CLIC5: variants seen among roughly 807,000 people sequenced by gnomAD.
The protein encoded by CLIC5 is CLIC family member 5.
A neutral mutation model predicts 24.7 loss-of-function variants in CLIC5; 20 were observed. That is an observed-to-expected ratio of 0.81 (90% confidence interval 0.57 to 1.18). The LOEUF (loss-of-function observed/expected upper bound fraction) is 1.18. Among genes scored for constraint, CLIC5 ranks in the 50% most tolerant of loss-of-function variants. The pLI is 0.00. For synonymous variants in CLIC5, 159 were observed against 135.6 expected (o/e 1.17, Z -1.20); for missense variants, 341 against 326.1 (o/e 1.05, Z -0.35).
chr6:45,970,249 C>G (rs1014799716), intron 1 of CLIC5, among the ~76,000 whole-genome samples: 11 of 152,140 alleles, frequency 7.2e-5, no homozygotes, highest in African/African-American at 2.7e-4. Context: ...TGTGGTTAGT[C>G]CTGGATGATT....
At chr6:46,032,479 C>CT (rs1767530803) in intron 1 of CLIC5, among the ~76,000 whole-genome samples, 1 of 152,200 alleles carries the variant, frequency 6.6e-6, no homozygotes, top group South Asian at 2.1e-4. Flanking sequence ...ATCTGACTTT[C>CT]TCCTTTTTTC....
intron 6 of CLIC5, among the ~76,000 whole-genome samples, chr6:45,889,375 TCCTAATACC>T (rs761088949): frequency 6.6e-6 from 1 of 152,108 alleles, no homozygotes; most frequent in Non-Finnish European, 1.5e-5. Flanking sequence ...AGGCACCACC[TCCTAATACC>T]ACCACACTGG....
At chr6:46,075,500 GC>G (rs771831027) in intron 1 of CLIC5, among the ~76,000 whole-genome samples, 17 of 152,130 alleles carry the variant, frequency 1.1e-4, no homozygotes, top group Non-Finnish European at 2.4e-4. Flanking sequence ...CGGGAGAATG[GC>G]TTGAGCCCAG....
At chr6:45,984,772 A>C (rs1308677445) in intron 1 of CLIC5, among the ~76,000 whole-genome samples, 1 of 152,120 alleles carries the variant, frequency 6.6e-6, no homozygotes, top group Non-Finnish European at 1.5e-5. Flanking sequence ...ATTCAAAATC[A>C]CTAATGAAGA....
At chr6:45,948,969 G>A (rs1764376804) in intron 3 of CLIC5, among the ~76,000 whole-genome samples, 1 of 152,062 alleles carries the variant, frequency 6.6e-6, no homozygotes, top group Admixed American at 6.6e-5. Context: ...GAACATACTG[G>A]GGCGAGGGAG....
intron 1 of CLIC5, among the ~76,000 whole-genome samples, chr6:46,022,121 TAAAAC>T (rs1767201298): frequency 6.6e-6 from 1 of 152,160 alleles, no homozygotes; most frequent in Non-Finnish European, 1.5e-5. Flanking sequence ...ATCAACAAAA[TAAAAC>T]AAACTTTCAT....
chr6:45,929,250 T>C (rs1763632508), intron 4 of CLIC5, among the ~76,000 whole-genome samples: 1 of 152,076 alleles, frequency 6.6e-6, no homozygotes, highest in Admixed American at 6.5e-5. Flanking sequence ...TCCACCTCAA[T>C]AATGAACCAA....
intron 1 of CLIC5, among the ~76,000 whole-genome samples, chr6:45,961,512 G>C (rs188981276): frequency 6.6e-6 from 1 of 152,202 alleles, no homozygotes; most frequent in Non-Finnish European, 1.5e-5. Context: ...AGTGGCAAAG[G>C]CCACATGAAA....
rs947398809 is a variant in CLIC5, at chr6:45,901,345, A to G, written c.*1743T>C. On this transcript the variant is annotated 3_prime_UTR_variant, in exon 6 of 6. Transcript: ENST00000339561. ...CTACTGAGAAAGTTCCTCTTCCTCAATGGGCTCTAGGAGACCTCCTGCTTC... is the reference window on the plus strand; with the variant it reads ...CTACTGAGAAAGTTCCTCTTCCTCAGTGGGCTCTAGGAGACCTCCTGCTTC... 1.3e-5 allele frequency: 2 copies of G among 152,012 alleles called. No individual in the cohort carries two copies. Among genetic ancestry groups the G allele is most frequent in the African/African-American group, 4.8e-5 (2 of 41,378 alleles). The allele number at this position is 152,012 out of a possible 1,614,324, so 9.4% of individuals were successfully genotyped here. A position where few individuals can be genotyped will look rare whatever the true frequency, so the allele number is the denominator to read the frequency against.
intron 1 of CLIC5, among the ~76,000 whole-genome samples, chr6:46,026,624 G>T (rs1432503953): frequency 6.6e-6 from 1 of 152,142 alleles, no homozygotes; most frequent in Non-Finnish European, 1.5e-5. Context: ...AAGGCAGAAA[G>T]TTCTTCAAAT....
At chr6:45,895,258 C>T (rs1209202771), downstream of CLIC5, among the ~76,000 whole-genome samples, 1 of 152,166 alleles carries the variant, frequency 6.6e-6, no homozygotes, top group Non-Finnish European at 1.5e-5. Context: ...ATCACCCTCC[C>T]CTCAAAGCTT....
Position 45,920,593 on chromosome 6 carries a change from C to T in CLIC5, c.407-6184G>A, listed in dbSNP as rs142067699. 303 of 672,142 alleles carry T rather than the reference C, an allele frequency of 4.5e-4. 1 individual carries two copies. The highest frequency in any genetic ancestry group is 1.6e-3 in the Admixed American group (26 of 15,890). 41.6% of individuals were successfully genotyped at this position (672,142 alleles called of 1,614,324 possible). The stretch of plus-strand genomic sequence containing the variant: ...CTTGTTGACATTTGATAGTTTAAAA[C>T]GTGAATGGTAACGTGATGGAAACAA... On this transcript the variant is annotated intron_variant, in intron 4 of 5. Transcript: ENST00000339561.
At chr6:46,021,771 A>G (rs527669444) in intron 1 of CLIC5, among the ~76,000 whole-genome samples, 16 of 152,368 alleles carry the variant, frequency 1.1e-4, no homozygotes, top group African/African-American at 3.6e-4. Context: ...AGTGGCTGCC[A>G]GGGACTGGGA....
intron 2 of CLIC5, among the ~76,000 whole-genome samples, chr6:45,949,626 A>G (rs1255580150): frequency 6.6e-6 from 1 of 152,174 alleles, no homozygotes; most frequent in Admixed American, 6.5e-5. Context: ...AGGAGTTGAA[A>G]AAATGAAAGA....
chr6:46,018,530 TG>T (rs1322187217), upstream of CLIC5, among the ~76,000 whole-genome samples: 1 of 152,246 alleles, frequency 6.6e-6, no homozygotes, highest in African/African-American at 2.4e-5. Flanking sequence ...ACTATTTCTG[TG>T]CATATTTTCC....
upstream of CLIC5, among the ~76,000 whole-genome samples, chr6:46,084,961 C>T (rs189165999): frequency 1.7e-3 from 256 of 152,286 alleles, 2 homozygotes; most frequent in South Asian, 9.5e-3. Context: ...TTCTTGGAGG[C>T]TTTGTTCGTT....
At chr6:46,035,886 A>C (rs776902739) in intron 1 of CLIC5, among the ~76,000 whole-genome samples, 63 of 152,276 alleles carry the variant, frequency 4.1e-4, no homozygotes, top group Non-Finnish European at 6.8e-4. Flanking sequence ...CTGGGACTAC[A>C]GGTGCGTGCC....
intron 1 of CLIC5, among the ~76,000 whole-genome samples, chr6:45,965,273 A>C (rs1233982570): frequency 6.6e-6 from 1 of 152,224 alleles, no homozygotes; most frequent in Non-Finnish European, 1.5e-5. Flanking sequence ...TGATAGATAC[A>C]TGCATGTCTG....
chr6:46,030,140 G>A (rs2127455080), intron 1 of CLIC5, among the ~76,000 whole-genome samples: 1 of 152,222 alleles, frequency 6.6e-6, no homozygotes, highest in South Asian at 2.1e-4. Flanking sequence ...AACCTCCCTT[G>A]AGTGTCCTAG....
Sources: allele counts gnomAD v4.1 joint callset (sites outside exome capture counted in the v4.1 genomes callset), GRCh38; gene constraint gnomAD v4.1.1; transcripts MANE v1.5; gene names NCBI Gene and HGNC (gene_info 2026-07-23, HGNC 2026-07-21).